TMC3: variants seen among roughly 807,000 people sequenced by gnomAD.
TMC3 encodes the protein transmembrane channel-like protein 3.
Under a neutral mutation model 110.6 loss-of-function variants are expected in TMC3, and 98 were observed. The ratio of observed to expected loss-of-function variants is 0.89; its 90% CI spans 0.75 to 1.05. The LOEUF is 1.05. TMC3 is among the 50% of genes least tolerant of loss of function. The pLI is 0.00. For missense variants in TMC3, 1,319 were observed against 1,373.2 expected (o/e 0.96, Z 0.62); for synonymous variants, 489 against 513.1 (o/e 0.95, Z 0.63).
intron 19 of TMC3, 134 bp from the exon 20 acceptor site, chr15:81,336,785 C>G (rs894313347): frequency 2.3e-6 from 2 of 881,150 alleles, no homozygotes; most frequent in African/African-American, 3.3e-5. Context: ...ACTATTGCCC[C>G]CTATGGACGG....
At chr15:81,345,348 C>A (rs79063484) in intron 12 of TMC3, among the ~76,000 whole-genome samples, 3,116 of 152,278 alleles carry the variant, frequency 0.02, 108 homozygotes, top group African/African-American at 0.07. Context: ...TGAGTTGAAA[C>A]CTAATGCTCA....
rs1254534807 is a variant in TMC3, at chr15:81,348,488, C to T, written c.1193+970G>A. ...GGAAAATACTGATAAAGCCAGTGCT[C>T]AAAATGAGTGTGGTTGTTCTGACTC... On this transcript the variant is annotated intron_variant, in intron 11 of 21. Transcript: ENST00000359440. 2.0e-5 allele frequency among the ~76,000 whole-genome samples: 3 copies of T among 152,176 alleles called. No homozygotes were observed. The South Asian group carries it at 6.2e-4, about 32-fold the overall frequency.
In TMC3 at chr15:81,338,712, G is replaced by A; in HGVS notation, c.2024C>T (p.Ser675Phe). 6.2e-7 allele frequency: 1 copy of A among 1,614,018 alleles called. No individual in the cohort carries two copies. The highest frequency in any genetic ancestry group is 1.3e-5 in the African/African-American group (1 of 75,036). Residue 675 changes from serine (S) to phenylalanine (F), a missense_variant, in exon 18 of 22, where the codon TCC (serine) becomes TTC (phenylalanine). Physicochemically the swap from Ser to Phe is radical, Grantham distance 155 (BLOSUM62 -2). Transcript: ENST00000359440. ...IEKDFPVWFG[S>F]VVGHISSPVV... Reference sequence around the variant, plus strand: ...GGGGCTACTGATGTGTCCAACCACGGAGCCAAACCACACAGGAAAGTCTTT... The same window carrying A: ...GGGGCTACTGATGTGTCCAACCACGAAGCCAAACCACACAGGAAAGTCTTT...
chr15:81,359,235 G>T, intron 5 of TMC3, 130 bp downstream of exon 5: 1 of 690,166 alleles, frequency 1.4e-6, no homozygotes, highest in Non-Finnish European at 2.4e-6. Flanking sequence ...TACAGAAAAA[G>T]TTTGCCAAGC....
At chr15:81,343,767 G>T in intron 14 of TMC3, 150 bp downstream of exon 14, 35 of 679,334 alleles carry the variant, frequency 5.2e-5, no homozygotes, top group East Asian at 7.1e-5. Flanking sequence ...AAAGGAAGTA[G>T]AAGCTCAGCT....
In TMC3 at chr15:81,343,261, G is replaced by A. The variant is rs751899092; in HGVS notation, c.1715+17C>T. 17 of 1,576,180 alleles carry A rather than the reference G, an allele frequency of 1.1e-5. No homozygotes were observed. The South Asian group carries it at 1.9e-4, about 17-fold the overall frequency. ...GATGAGATGTAAGCAAAGGCAAGAA[G>A]AAACTTTGATACCTACCAAATCATT... On this transcript the variant is annotated intron_variant, in intron 15 of 21. Coordinates refer to ENST00000359440, the MANE Select transcript of TMC3 (RefSeq NM_001080532.3).
chr15:81,352,700 A>T (rs1893976619), intron 9 of TMC3, among the ~76,000 whole-genome samples: 1 of 152,210 alleles, frequency 6.6e-6, no homozygotes, highest in Admixed American at 6.5e-5. Flanking sequence ...CGTGCGTGTT[A>T]TGGCCCCGAA....
At chr15:81,356,972 A>T (rs1347099634) in intron 7 of TMC3, among the ~76,000 whole-genome samples, 2 of 152,096 alleles carry the variant, frequency 1.3e-5, no homozygotes, top group African/African-American at 2.4e-5. Flanking sequence ...GCTCCTTCCC[A>T]TGGGAACTCC....
At chr15:81,357,436 C>G (rs544999170) in intron 7 of TMC3, among the ~76,000 whole-genome samples, 1 of 151,978 alleles carries the variant, frequency 6.6e-6, no homozygotes, top group Admixed American at 6.6e-5. Context: ...CAGCTTTTCC[C>G]CGGGATTTGG....
chr15:81,338,559 T>C (rs959489059), intron 18 of TMC3, 96 bp downstream of exon 18: 3 of 1,517,350 alleles, frequency 2.0e-6, no homozygotes, highest in Non-Finnish European at 2.7e-6. Flanking sequence ...GATTTTTGAA[T>C]GAACTAATAA....
At chr15:81,349,388 A>G in intron 11 of TMC3, 70 bp downstream of exon 11, 1 of 984,796 alleles carries the variant, frequency 1.0e-6, no homozygotes, top group Non-Finnish European at 1.4e-6. Context: ...CTCTTGAGGC[A>G]CTTACATTCC....
In TMC3 at chr15:81,359,155, G is replaced by A. The variant is rs761473096; in HGVS notation, c.501+210C>T. On this transcript the variant is annotated intron_variant, in intron 5 of 21. Transcript: ENST00000359440. ...GTCTGCAGGTGCTTTTGTGCTACACGGCAGATTTGAGTCATTGTGACGGAC... is the reference window on the plus strand; with the variant it reads ...GTCTGCAGGTGCTTTTGTGCTACACAGCAGATTTGAGTCATTGTGACGGAC... Among the ~76,000 whole-genome samples, 4 of 152,152 alleles carry A rather than the reference G, an allele frequency of 2.6e-5. 1 individual carries two copies. Among genetic ancestry groups the A allele is most frequent in the Non-Finnish European group, 5.9e-5 (4 of 68,028 alleles).
intron 15 of TMC3, 107 bp from the exon 16 acceptor site, chr15:81,341,625 C>CCT (rs1893718633): frequency 7.8e-7 from 1 of 1,289,696 alleles, no homozygotes; most frequent in Non-Finnish European, 1.1e-6. Context: ...GGGGATTATA[C>CCT]CCTAAGCTTA....
chr15:81,343,199 G>T lies in TMC3; in HGVS notation c.1715+79C>A. 6.0e-6 allele frequency: 5 copies of T among 833,780 alleles called. No individual in the cohort carries two copies. The Admixed American group carries it at 7.3e-5, about 12-fold the overall frequency. The allele number at this position is 833,780 out of a possible 1,614,324, so 51.6% of individuals were successfully genotyped here. On this transcript the variant is annotated intron_variant, in intron 15 of 21. Coordinates refer to ENST00000359440, the MANE Select transcript of TMC3 (RefSeq NM_001080532.3). ...GCTTATGTAACTGTGTTATGGTCGTGTCCCATCTAGACTAAGTAAATTAAA... is the reference window on the plus strand; with the variant it reads ...GCTTATGTAACTGTGTTATGGTCGTTTCCCATCTAGACTAAGTAAATTAAA...
rs1255793069 is a variant in TMC3 at position 81,368,260 on chromosome 15, C to T, written c.305G>A (p.Gly102Asp). ...LTRTRGYQAA[G>D]AELWRKFARL... ...ATGTGTGTTCTGTATTACCTCTGCA[C>T]CTGCTGCTTGGTAGCCTCGGGTCCT... Residue 102 changes from glycine to aspartate, a missense_variant, in exon 3 of 22, where the codon GGT becomes GAT. Physicochemically the swap from Gly to Asp is moderately conservative, Grantham distance 94. Coordinates refer to ENST00000359440, the MANE Select transcript of TMC3 (RefSeq NM_001080532.3). 3 of 1,613,464 alleles carry T rather than the reference C, an allele frequency of 1.9e-6. No homozygotes were observed. The highest frequency in any genetic ancestry group is 2.5e-6 in the Non-Finnish European group (3 of 1,179,532).
chr15:81,341,112 AG>A (rs747114097), intron 16 of TMC3, among the ~76,000 whole-genome samples: 2 of 152,238 alleles, frequency 1.3e-5, no homozygotes, highest in Non-Finnish European at 2.9e-5. Context: ...AAACTAATCA[AG>A]CTAAACATTT....
chr15:81,370,829 C>A (rs1014757202), intron 2 of TMC3, among the ~76,000 whole-genome samples: 6 of 151,990 alleles, frequency 3.9e-5, no homozygotes, highest in Non-Finnish European at 7.4e-5. Context: ...TGCCTGCCAC[C>A]ATGCCCAACT....
intron 10 of TMC3, among the ~76,000 whole-genome samples, chr15:81,351,348 C>CTTTTT (rs35807579): frequency 9.9e-5 from 10 of 101,312 alleles, no homozygotes; most frequent in African/African-American, 3.0e-4. Context: ...CTCTCTCTCT[C>CTTTTT]TTTTTTTTTT....
Position 81,346,351 on chromosome 15 carries a change from G to C in TMC3, c.1272+14C>G, listed in dbSNP as rs1020959650. Reference sequence around the variant, plus strand: ...CAGAGGTGGGGCAGGCAACTATCTGGGATGGGCACTCACCTCAATGCTCAT... The same window carrying C: ...CAGAGGTGGGGCAGGCAACTATCTGCGATGGGCACTCACCTCAATGCTCAT... On this transcript the variant is annotated intron_variant, in intron 12 of 21. Coordinates refer to ENST00000359440, the MANE Select transcript of TMC3 (RefSeq NM_001080532.3). 2 of 1,612,604 alleles carry C rather than the reference G, an allele frequency of 1.2e-6. No individual in the cohort carries two copies. Among genetic ancestry groups the C allele is most frequent in the Admixed American group, 3.3e-5 (2 of 59,920 alleles).
Sources: gnomAD v4.1 joint callset for allele counts (sites outside exome capture counted in the v4.1 genomes callset) on GRCh38, gnomAD v4.1.1 for gene constraint, MANE v1.5 for transcripts, NCBI Gene and HGNC (gene_info 2026-07-23, HGNC 2026-07-21) for gene names.